ADK: variants seen among roughly 807,000 people sequenced by gnomAD.
The protein encoded by ADK is N6,N6-dimethyladenosine kinase.
A neutral mutation model predicts 44.7 loss-of-function variants in ADK; 24 were observed. That is an observed-to-expected ratio of 0.54 (90% CI 0.39 to 0.76). ADK has a LOEUF of 0.76. Among genes scored for constraint, ADK ranks in the 30% least tolerant of loss-of-function variants. ADK has a pLI of 0.00. For missense variants in ADK, 321 were observed against 425.1 expected (o/e 0.76, Z 2.15); for synonymous variants, 128 against 142.6 (o/e 0.90, Z 0.73).
intron 7 of ADK, among the ~76,000 whole-genome samples, chr10:74,545,070 T>TA (rs1040693501): frequency 2.6e-5 from 4 of 152,174 alleles, no homozygotes; most frequent in Non-Finnish European, 5.9e-5. Flanking sequence ...CTTCCATACT[T>TA]ATGTCTGTGT....
chr10:74,533,480 T>A lies in ADK; in HGVS notation c.726+8054T>A, dbSNP rs113217673. ...AGAAGGGAACGTCCAGAAATAGACCTAAATTTATTTTTCAACAATGTTTCA... is the reference window on the plus strand; with the variant it reads ...AGAAGGGAACGTCCAGAAATAGACCAAAATTTATTTTTCAACAATGTTTCA... On this transcript the variant is annotated intron_variant, in intron 7 of 10. Coordinates refer to ENST00000539909, the MANE Select transcript of ADK (RefSeq NM_006721.4). Among the ~76,000 whole-genome samples, 6 of 152,294 alleles carry A rather than the reference T, an allele frequency of 3.9e-5. 1 individual carries two copies. The highest frequency in any genetic ancestry group is 9.6e-5 in the African/African-American group (4 of 41,560).
intron 3 of ADK, among the ~76,000 whole-genome samples, chr10:74,292,793 C>G (rs910763435): frequency 2.0e-5 from 3 of 152,004 alleles, no homozygotes; most frequent in Non-Finnish European, 4.4e-5. Context: ...ATCTGTACCC[C>G]CACCTCTCTT....
intron 3 of ADK, among the ~76,000 whole-genome samples, chr10:74,252,569 CATGCTCTAGAAAACAGATCTTAT>C (rs1845685629): frequency 6.6e-6 from 1 of 152,144 alleles, no homozygotes; most frequent in Non-Finnish European, 1.5e-5. Context: ...TGGAGATGAT[CATGCTCTAGAAAACAGATCTTAT>C]ATATGTTAAA....
chr10:74,267,930 T>C (rs1846279328), intron 3 of ADK, among the ~76,000 whole-genome samples: 2 of 151,728 alleles, frequency 1.3e-5, no homozygotes, highest in African/African-American at 4.8e-5. Flanking sequence ...GGATTAAGAG[T>C]GTTGAAGGGA....
chr10:74,501,475 T>A (rs1847882266), intron 6 of ADK, among the ~76,000 whole-genome samples: 1 of 152,222 alleles, frequency 6.6e-6, no homozygotes, highest in African/African-American at 2.4e-5. Context: ...TTTGTCAATT[T>A]CTGGATAAAA....
At chr10:74,306,884 T>C (rs1267648638) in intron 3 of ADK, among the ~76,000 whole-genome samples, 1 of 152,176 alleles carries the variant, frequency 6.6e-6, no homozygotes, top group East Asian at 1.9e-4. Context: ...CTAGCTTAAT[T>C]TCTTTCTGCC....
chr10:74,329,733 T>C (rs1336541477), intron 4 of ADK, among the ~76,000 whole-genome samples: 3 of 152,186 alleles, frequency 2.0e-5, no homozygotes, highest in Non-Finnish European at 4.4e-5. Context: ...ATTAGAGCTC[T>C]GTCAAAATAA....
intron 4 of ADK, among the ~76,000 whole-genome samples, chr10:74,328,646 A>G (rs972667614): frequency 2.0e-5 from 3 of 152,156 alleles, no homozygotes; most frequent in South Asian, 2.1e-4. Flanking sequence ...TGATGGTTTT[A>G]TAAGTGTTTG....
At chr10:74,264,703 C>G (rs749098849) in intron 3 of ADK, among the ~76,000 whole-genome samples, 2 of 152,134 alleles carry the variant, frequency 1.3e-5, no homozygotes, top group Non-Finnish European at 2.9e-5. Flanking sequence ...ACTTCCTACT[C>G]TAAGGTCAGA....
intron 7 of ADK, among the ~76,000 whole-genome samples, chr10:74,536,971 A>G (rs570365954): frequency 1.3e-5 from 2 of 152,284 alleles, no homozygotes; most frequent in Admixed American, 6.5e-5. Context: ...ATGAACAAGT[A>G]TCTGTTTGAG....
intron 1 of ADK, among the ~76,000 whole-genome samples, chr10:74,181,872 T>C (rs1214514283): frequency 6.6e-6 from 1 of 152,190 alleles, no homozygotes; most frequent in Non-Finnish European, 1.5e-5. Flanking sequence ...GGGGAATATT[T>C]GTTGTAGAGC....
intron 3 of ADK, among the ~76,000 whole-genome samples, chr10:74,296,299 T>A (rs75571220): frequency 0.013 from 2,035 of 152,218 alleles, 46 homozygotes; most frequent in African/African-American, 0.047. Flanking sequence ...TAATATGTAG[T>A]GAGTTTCTAA....
At chr10:74,226,133 A>G (rs1564604979) in intron 3 of ADK, among the ~76,000 whole-genome samples, 1 of 151,294 alleles carries the variant, frequency 6.6e-6, no homozygotes, top group Admixed American at 6.6e-5. Context: ...TTTGAGACAG[A>G]CTCTTGCTCC....
chr10:74,313,017 G>A (rs931161815), intron 3 of ADK, among the ~76,000 whole-genome samples: 1 of 146,904 alleles, frequency 6.8e-6, no homozygotes. Flanking sequence ...CTTATACAAT[G>A]TCTGTAAACT....
intron 3 of ADK, among the ~76,000 whole-genome samples, chr10:74,306,553 T>A (rs1353369910): frequency 6.6e-6 from 1 of 152,238 alleles, no homozygotes; most frequent in Non-Finnish European, 1.5e-5. Flanking sequence ...ATTATAACTT[T>A]GTTTATTATT....
At chr10:74,597,611 G>C (rs1245026129) in intron 8 of ADK, among the ~76,000 whole-genome samples, 1 of 150,932 alleles carries the variant, frequency 6.6e-6, no homozygotes, top group East Asian at 1.9e-4. Context: ...GAGTTTGTCT[G>C]ATGTTTTCTC....
chr10:74,331,495 A>AT (rs1423668487), intron 4 of ADK, among the ~76,000 whole-genome samples: 3 of 152,042 alleles, frequency 2.0e-5, no homozygotes, highest in African/African-American at 7.2e-5. Flanking sequence ...TTATTTATTT[A>AT]TTTTTTTAGA....
intron 6 of ADK, among the ~76,000 whole-genome samples, chr10:74,499,687 CAA>C (rs34761801): frequency 7.3e-6 from 1 of 137,064 alleles, no homozygotes. Context: ...GACTCCATCT[CAA>C]AAAAAAAAAA....
At chr10:74,223,391 G>T (rs1004501197) in intron 2 of ADK, among the ~76,000 whole-genome samples, 1 of 152,142 alleles carries the variant, frequency 6.6e-6, no homozygotes, top group Non-Finnish European at 1.5e-5. Context: ...ATATTGCCCC[G>T]TTGGGGATTA....
Sources: gnomAD v4.1 joint callset for allele counts (sites outside exome capture counted in the v4.1 genomes callset) on GRCh38, gnomAD v4.1.1 for gene constraint, MANE v1.5 for transcripts, NCBI Gene and HGNC (gene_info 2026-07-23, HGNC 2026-07-21) for gene names.